The following RASA2 variants were observed in gnomAD, a reference collection of about 807,000 sequenced individuals.
The protein encoded by RASA2 is ras GTPase-activating protein 2.
Under a neutral mutation model 118.2 loss-of-function variants are expected in RASA2, and 155 were observed. The ratio of observed to expected loss-of-function variants is 1.31; its 90% CI spans 1.15 to 1.50. The LOEUF (loss-of-function observed/expected upper bound fraction) is 1.50, where lower values mean the gene tolerates loss of function less well. Ranked by LOEUF, RASA2 falls within the 40% of genes most tolerant of loss-of-function variation. The pLI, the probability that RASA2 is intolerant of heterozygous loss-of-function variation, is 0.00. For missense variants in RASA2, 1,016 were observed against 1,009.6 expected, an observed-to-expected ratio of 1.01 and a Z score of -0.09; for synonymous variants, 353 against 349.1, an observed-to-expected ratio of 1.01 and a Z score of -0.12.
chr3:141,590,278 G>A (rs557684535), intron 19 of RASA2: 197 of 401,500 alleles, frequency 4.9e-4, no homozygotes, highest in African/African-American at 3.7e-3. Context: ...CATTTACTCC[G>A]CAGCTAAATG....
intron 1 of RASA2, among the ~76,000 whole-genome samples, chr3:141,502,759 A>G (rs1403942163): frequency 1.3e-5 from 2 of 152,158 alleles, no homozygotes; most frequent in African/African-American, 2.4e-5. Flanking sequence ...TGTCACCCCA[A>G]ATAATCCTTA....
intron 19 of RASA2, among the ~76,000 whole-genome samples, chr3:141,606,952 G>T (rs928299155): frequency 1.3e-5 from 2 of 152,144 alleles, no homozygotes; most frequent in Non-Finnish European, 2.9e-5. Context: ...TAGTTTCTAT[G>T]ACTATGTGAG....
chr3:141,496,866 G>A (rs764566098), intron 1 of RASA2, among the ~76,000 whole-genome samples: 13 of 152,160 alleles, frequency 8.5e-5, no homozygotes, highest in South Asian at 2.1e-4. Flanking sequence ...ACATGCACAC[G>A]TATGTTTATT....
rs193019405 is a variant in RASA2 at position 141,529,734 on chromosome 3, T to C, written c.382T>C (p.Leu128=). 133 of 1,611,808 alleles carry C rather than the reference T, an allele frequency of 8.3e-5. 3 individuals carry two copies. The East Asian group carries it at 9.4e-4, about 11-fold the overall frequency. Residue 128 remains leucine, a synonymous_variant, in exon 4 of 24, where the codon TTG becomes CTG. Coordinates refer to ENST00000286364, the MANE Select transcript of RASA2 (RefSeq NM_006506.5). ...AAAAGTAGCCATCAAAAAAGAAGAC[T>C]TGTGTAATCACAGTGGCAAAGAAAC... is the stretch of plus-strand genomic sequence containing the variant. The part of the protein sequence containing the change: ...IGKVAIKKED[L]CNHSGKETWF...
chr3:141,560,875 T>C (rs1439894806), intron 9 of RASA2, among the ~76,000 whole-genome samples: 4 of 152,166 alleles, frequency 2.6e-5, no homozygotes, highest in African/African-American at 9.7e-5. Context: ...GTTTCATCTG[T>C]TCCTAAAAGA....
intron 1 of RASA2, among the ~76,000 whole-genome samples, 175 bp from the exon 2 acceptor site, chr3:141,511,988 C>G (rs1021637993): frequency 6.6e-6 from 1 of 151,934 alleles, no homozygotes; most frequent in East Asian, 1.9e-4. Context: ...CACAGCCCCT[C>G]CCTTCAGTCT....
In RASA2 at chr3:141,601,851, C is replaced by T. The variant is rs143011829; in HGVS notation, c.1934-5827C>T. Among the ~76,000 whole-genome samples the T allele has an allele frequency of 2.6e-3, 398 of 152,166 alleles. 1 individual carries two copies. The highest frequency in any genetic ancestry group is 9.1e-3 in the African/African-American group (380 of 41,532). ...TCATGGATCTCACTGAGACTCAGTT[C>T]ATTTTTCTTTTATTCTCTTTGGTCT... On this transcript the variant is annotated intron_variant, in intron 19 of 23. Transcript: ENST00000286364.
intron 3 of RASA2, 143 bp downstream of exon 3, chr3:141,516,574 A>AT (rs1311192085): frequency 4.3e-6 from 3 of 690,414 alleles, no homozygotes; most frequent in Admixed American, 4.9e-5. Context: ...CATTTGTGAA[A>AT]TTTCATTTTT....
rs183723717 is a variant in RASA2, at chr3:141,540,499, G to A, written c.451-34G>A. On this transcript the variant is annotated intron_variant, in intron 4 of 23. Transcript: ENST00000286364. ...CCTTTAATATTTTGTCAGTAAAATA[G>A]ACTACTCAGTTTGTAATCTTTTTGT... The A allele has an allele frequency of 4.6e-6, 7 of 1,528,044 alleles. No individual in the cohort carries two copies. The East Asian group carries it at 1.6e-4, about 34-fold the overall frequency. 94.7% of individuals were successfully genotyped at this position (1,528,044 alleles called of 1,614,324 possible).
At chr3:141,498,980 G>T (rs1446784656) in intron 1 of RASA2, among the ~76,000 whole-genome samples, 1 of 152,124 alleles carries the variant, frequency 6.6e-6, no homozygotes, top group African/African-American at 2.4e-5. Flanking sequence ...ACCGGAAGTG[G>T]GCAAGGCAAA....
chr3:141,602,446 G>C (rs998076373), intron 19 of RASA2, among the ~76,000 whole-genome samples: 2 of 152,222 alleles, frequency 1.3e-5, no homozygotes, highest in Non-Finnish European at 2.9e-5. Flanking sequence ...GCAGAACTCA[G>C]GTAGTAATGC....
Position 141,573,228 on chromosome 3 carries a change from C to T in RASA2, c.1359+7C>T. 6.5e-7 allele frequency: 1 copy of T among 1,536,206 alleles called. No individual in the cohort carries two copies. Among genetic ancestry groups the T allele is most frequent in the Middle Eastern group, 1.8e-4 (1 of 5,678 alleles). ...TAATGTAGAAAATAATAAGGTAAGT[C>T]CTTGTTATATTATTTATAATTGCAT... On this transcript the variant is annotated splice_region_variant and intron_variant, in intron 13 of 23. Transcript: ENST00000286364.
intron 1 of RASA2, among the ~76,000 whole-genome samples, chr3:141,499,597 T>C (rs1361656236): frequency 6.6e-6 from 1 of 152,128 alleles, no homozygotes; most frequent in African/African-American, 2.4e-5. Context: ...TAGGAGTTAT[T>C]TAATGTGTTG....
chr3:141,608,334 A>G (rs1409635156), intron 20 of RASA2, among the ~76,000 whole-genome samples, 155 bp from the exon 21 acceptor site: 1 of 152,090 alleles, frequency 6.6e-6, no homozygotes, highest in Non-Finnish European at 1.5e-5. Context: ...TATGCTTGGG[A>G]CTAACTTGCT....
chr3:141,590,706 C>T (rs2083274544), intron 19 of RASA2, among the ~76,000 whole-genome samples: 1 of 152,164 alleles, frequency 6.6e-6, no homozygotes, highest in Non-Finnish European at 1.5e-5. Context: ...TCCCAAATTT[C>T]CTGTAACATA....
chr3:141,564,288 A>ATT (rs1560035638), intron 9 of RASA2, among the ~76,000 whole-genome samples: 1 of 151,840 alleles, frequency 6.6e-6, no homozygotes, highest in East Asian at 1.9e-4. Flanking sequence ...TCTGAGCAAA[A>ATT]TTTCTGTAGT....
intron 5 of RASA2, among the ~76,000 whole-genome samples, chr3:141,553,224 A>G (rs1246701273): frequency 3.3e-5 from 5 of 152,200 alleles, no homozygotes; most frequent in Non-Finnish European, 7.4e-5. Context: ...AGCAGAGGAT[A>G]TGATGCCATA....
chr3:141,575,552 A>T (rs529051120), intron 14 of RASA2, among the ~76,000 whole-genome samples: 2 of 152,220 alleles, frequency 1.3e-5, no homozygotes, highest in African/African-American at 4.8e-5. Context: ...CACATGAGGT[A>T]GGTACTACTC....
intron 19 of RASA2, among the ~76,000 whole-genome samples, chr3:141,599,915 A>AT: frequency 6.6e-6 from 1 of 152,218 alleles, no homozygotes; most frequent in Non-Finnish European, 1.5e-5. Context: ...AATTAACTAC[A>AT]TTTTTATATC....
Sources: gnomAD v4.1 joint callset for allele counts (sites outside exome capture counted in the v4.1 genomes callset) on GRCh38, gnomAD v4.1.1 for gene constraint, MANE v1.5 for transcripts, NCBI Gene and HGNC (gene_info 2026-07-23, HGNC 2026-07-21) for gene names.